Variants in ESRRG observed in about 807,000 individuals in gnomAD.
ESRRG encodes the protein estrogen-related receptor gamma.
ESRRG carries 13 observed loss-of-function variants against 44.0 expected under a neutral mutation model. The ratio of observed to expected loss-of-function variants is 0.30; its 90% CI spans 0.19 to 0.47. The LOEUF (loss-of-function observed/expected upper bound fraction) is 0.47, where lower values mean the gene tolerates loss of function less well. Among genes scored for constraint, ESRRG ranks in the 20% least tolerant of loss-of-function variants. ESRRG has a pLI of 1.00. For synonymous variants in ESRRG, 215 were observed against 214.6 expected (o/e 1.00, Z -0.02); for missense variants, 395 against 580.6 (o/e 0.68, Z 3.29).
intron 1 of ESRRG, among the ~76,000 whole-genome samples, chr1:216,697,034 T>C (rs1162527830): frequency 2.6e-5 from 4 of 151,972 alleles, no homozygotes; most frequent in Admixed American, 2.6e-4. Flanking sequence ...GGCATGATCC[T>C]GGCTCACTGC....
chr1:216,586,766 G>A (rs544956933), intron 3 of ESRRG, among the ~76,000 whole-genome samples: 103 of 151,378 alleles, frequency 6.8e-4, no homozygotes, highest in African/African-American at 2.4e-3. Flanking sequence ...TTGTAGAGAC[G>A]GGGTTTCACC....
intron 3 of ESRRG, among the ~76,000 whole-genome samples, chr1:216,648,549 T>C (rs1280490340): frequency 1.3e-5 from 2 of 152,140 alleles, no homozygotes; most frequent in African/African-American, 4.8e-5. Flanking sequence ...CTTCATTCAC[T>C]CTTACCGCCC....
intron 2 of ESRRG, among the ~76,000 whole-genome samples, chr1:216,746,097 C>A (rs1274997050): frequency 6.6e-6 from 1 of 152,104 alleles, no homozygotes; most frequent in Non-Finnish European, 1.5e-5. Flanking sequence ...TTTTATTGTG[C>A]AATTATCTAA....
chr1:217,136,413 A>T (rs2093050454), intron 1 of ESRRG, among the ~76,000 whole-genome samples: 1 of 152,334 alleles, frequency 6.6e-6, no homozygotes, highest in Non-Finnish European at 1.5e-5. Context: ...CAGCAACTTT[A>T]CTTCAACCCT....
At chr1:216,639,159 A>G (rs2065894408) in intron 3 of ESRRG, among the ~76,000 whole-genome samples, 1 of 152,182 alleles carries the variant, frequency 6.6e-6, no homozygotes, top group Non-Finnish European at 1.5e-5. Flanking sequence ...GGAGGGGACC[A>G]TTATAGAAGT....
At chr1:216,661,267 G>T (rs1208628260) in intron 2 of ESRRG, among the ~76,000 whole-genome samples, 1 of 152,072 alleles carries the variant, frequency 6.6e-6, no homozygotes, top group Non-Finnish European at 1.5e-5. Flanking sequence ...GAGCTTAAAG[G>T]TGACCACTGC....
chr1:216,775,130 T>C (rs1028401309), intron 2 of ESRRG, among the ~76,000 whole-genome samples: 1 of 152,012 alleles, frequency 6.6e-6, no homozygotes, highest in Non-Finnish European at 1.5e-5. Context: ...TTTTTAATTG[T>C]TGAATATGAT....
chr1:216,815,616 C>G (rs953792581), intron 2 of ESRRG, among the ~76,000 whole-genome samples: 2 of 152,142 alleles, frequency 1.3e-5, no homozygotes, highest in Non-Finnish European at 2.9e-5. Context: ...CCTGGTAGCC[C>G]CCACATACTG....
intron 1 of ESRRG, among the ~76,000 whole-genome samples, chr1:216,988,985 C>T (rs1006929133): frequency 2.0e-5 from 3 of 152,152 alleles, no homozygotes; most frequent in Non-Finnish European, 4.4e-5. Context: ...ATTGGGATTA[C>T]AACAATCACA....
intron 2 of ESRRG, among the ~76,000 whole-genome samples, chr1:216,842,084 C>T (rs2095662212): frequency 6.6e-6 from 1 of 152,094 alleles, no homozygotes; most frequent in African/African-American, 2.4e-5. Flanking sequence ...AGATAAGCCT[C>T]TTCATTATTC....
chr1:216,514,152 C>A (rs576284107), intron 6 of ESRRG, among the ~76,000 whole-genome samples: 15 of 152,052 alleles, frequency 9.9e-5, no homozygotes, highest in Non-Finnish European at 1.6e-4. Context: ...TAAGAGCCAG[C>A]TTTTATGTTT....
intron 1 of ESRRG, among the ~76,000 whole-genome samples, chr1:217,040,094 C>T (rs994907881): frequency 1.6e-4 from 24 of 152,296 alleles, no homozygotes; most frequent in South Asian, 4.1e-4. Context: ...ATTATTTTAA[C>T]GCAGTGATAT....
chr1:216,587,053 C>CTA (rs1036171591), intron 3 of ESRRG, among the ~76,000 whole-genome samples: 4 of 152,036 alleles, frequency 2.6e-5, no homozygotes, highest in Admixed American at 1.3e-4. Flanking sequence ...ATTATAAATC[C>CTA]TATATATATC....
intron 3 of ESRRG, among the ~76,000 whole-genome samples, chr1:216,621,907 T>C (rs2062303808): frequency 6.6e-6 from 1 of 152,170 alleles, no homozygotes; most frequent in South Asian, 2.1e-4. Flanking sequence ...GCCCTCATTG[T>C]TTGACACTTT....
At chr1:217,085,480 C>CT (rs2092021463) in intron 1 of ESRRG, among the ~76,000 whole-genome samples, 2 of 66,346 alleles carry the variant, frequency 3.0e-5, no homozygotes, top group African/African-American at 1.2e-4. Context: ...CTTTTCTTTT[C>CT]ATTTTTTTTT....
At chr1:216,980,889 G>A (rs756098573) in intron 1 of ESRRG, among the ~76,000 whole-genome samples, 13 of 144,402 alleles carry the variant, frequency 9.0e-5, no homozygotes, top group Non-Finnish European at 1.9e-4. Context: ...CAGGTCAGGC[G>A]GTCTCCTGCC....
At chr1:217,021,200 G>A (rs960715231) in intron 1 of ESRRG, among the ~76,000 whole-genome samples, 10 of 152,024 alleles carry the variant, frequency 6.6e-5, no homozygotes, top group Admixed American at 2.0e-4. Context: ...ACAACACTCC[G>A]GACCCATTGT....
At chr1:216,520,301 C>T (rs1246058223) in intron 5 of ESRRG, among the ~76,000 whole-genome samples, 3 of 151,998 alleles carry the variant, frequency 2.0e-5, no homozygotes, top group East Asian at 1.9e-4. Flanking sequence ...AAACATTAAG[C>T]TATAACCTGA....
intron 5 of ESRRG, among the ~76,000 whole-genome samples, chr1:216,553,014 C>A (rs961499048): frequency 6.6e-6 from 1 of 152,148 alleles, no homozygotes; most frequent in Non-Finnish European, 1.5e-5. Context: ...AGAGTGCATT[C>A]CTCTTTTAGG....
Sources: gnomAD v4.1 joint callset for allele counts (sites outside exome capture counted in the v4.1 genomes callset) on GRCh38, gnomAD v4.1.1 for gene constraint, MANE v1.5 for transcripts, NCBI Gene and HGNC (gene_info 2026-07-23, HGNC 2026-07-21) for gene names.